STK32B: variants seen among roughly 807,000 people sequenced by gnomAD.
STK32B encodes serine/threonine-protein kinase 32B.
Under a neutral mutation model 52.6 loss-of-function variants are expected in STK32B, and 43 were observed. The observed-to-expected ratio is 0.82, with a 90% confidence interval of 0.64 to 1.05. The LOEUF (loss-of-function observed/expected upper bound fraction) is 1.05, where lower values mean the gene tolerates loss of function less well. STK32B is among the 50% of genes least tolerant of loss of function. The pLI is 0.00. For synonymous variants in STK32B, 238 were observed against 204.3 expected (o/e 1.17, Z -1.41); for missense variants, 621 against 534.6 (o/e 1.16, Z -1.59).
At chr4:5,089,400 T>C (rs983315422) in intron 1 of STK32B, among the ~76,000 whole-genome samples, 2 of 152,120 alleles carry the variant, frequency 1.3e-5, no homozygotes, top group Non-Finnish European at 2.9e-5. Flanking sequence ...TATATTCTCA[T>C]TGTTCAACTC....
At chr4:5,203,672 T>C (rs1722332116) in intron 3 of STK32B, among the ~76,000 whole-genome samples, 1 of 152,252 alleles carries the variant, frequency 6.6e-6, no homozygotes, top group Non-Finnish European at 1.5e-5. Context: ...TCAATCATTA[T>C]TCACTGCAAC....
At chr4:5,256,333 A>G (rs1232043055) in intron 3 of STK32B, among the ~76,000 whole-genome samples, 3 of 152,208 alleles carry the variant, frequency 2.0e-5, no homozygotes, top group Admixed American at 6.5e-5. Flanking sequence ...AAAAACTATC[A>G]AAAGAGTGTT....
intron 3 of STK32B, among the ~76,000 whole-genome samples, chr4:5,259,791 C>T (rs1299597124): frequency 2.0e-5 from 3 of 152,034 alleles, no homozygotes; most frequent in Non-Finnish European, 2.9e-5. Flanking sequence ...GACAGACGCA[C>T]CAGACTATTT....
chr4:5,206,221 A>G (rs111528868), intron 3 of STK32B, among the ~76,000 whole-genome samples: 81 of 152,336 alleles, frequency 5.3e-4, no homozygotes, highest in African/African-American at 1.7e-3. Flanking sequence ...GAAGCTAATG[A>G]AAGTGATGAC....
intron 11 of STK32B, among the ~76,000 whole-genome samples, chr4:5,498,307 A>G (rs920208491): frequency 7.9e-5 from 12 of 152,240 alleles, no homozygotes; most frequent in Admixed American, 4.6e-4. Context: ...AAAGGTGACC[A>G]AGTGGCCCAC....
intron 1 of STK32B, among the ~76,000 whole-genome samples, chr4:5,073,214 T>A (rs1194710406): frequency 6.6e-6 from 1 of 152,046 alleles, no homozygotes; most frequent in Non-Finnish European, 1.5e-5. Flanking sequence ...TCTATTTGTT[T>A]TCTGTGTTCT....
chr4:5,292,160 C>T (rs10034763), intron 3 of STK32B, among the ~76,000 whole-genome samples: 6 of 151,868 alleles, frequency 4.0e-5, no homozygotes, highest in African/African-American at 1.5e-4. Context: ...GTATATACCC[C>T]GTAATGAGAT....
At chr4:5,130,358 G>A (rs1172869987) in intron 1 of STK32B, among the ~76,000 whole-genome samples, 1 of 151,924 alleles carries the variant, frequency 6.6e-6, no homozygotes, top group Non-Finnish European at 1.5e-5. Flanking sequence ...GGGGAGGTTT[G>A]GCGGGAGGGG....
intron 1 of STK32B, among the ~76,000 whole-genome samples, chr4:5,128,484 T>A (rs963349518): frequency 6.6e-6 from 1 of 152,238 alleles, no homozygotes; most frequent in Non-Finnish European, 1.5e-5. Flanking sequence ...ATTAGGCATA[T>A]GATTTCCTGA....
chr4:5,190,174 T>A (rs2108763225), intron 3 of STK32B, among the ~76,000 whole-genome samples: 1 of 152,210 alleles, frequency 6.6e-6, no homozygotes, highest in Admixed American at 6.5e-5. Context: ...AAACTGGGAT[T>A]TTGACCTCCA....
chr4:5,263,516 G>C (rs1158626055), intron 3 of STK32B, among the ~76,000 whole-genome samples: 1 of 152,174 alleles, frequency 6.6e-6, no homozygotes, highest in Non-Finnish European at 1.5e-5. Flanking sequence ...CCAAAATACA[G>C]CTGCCACAGA....
chr4:5,125,815 G>A (rs1715328750), intron 1 of STK32B, among the ~76,000 whole-genome samples: 1 of 152,200 alleles, frequency 6.6e-6, no homozygotes, highest in South Asian at 2.1e-4. Context: ...TGACTTCACT[G>A]CATTTGTAAC....
At chr4:5,284,097 G>A (rs796344677) in intron 3 of STK32B, among the ~76,000 whole-genome samples, 49 of 152,150 alleles carry the variant, frequency 3.2e-4, no homozygotes, top group African/African-American at 1.1e-3. Flanking sequence ...TGTAAAAGAG[G>A]GAGAGGGAGT....
At chr4:5,197,440 G>A (rs149878645) in intron 3 of STK32B, among the ~76,000 whole-genome samples, 1 of 152,324 alleles carries the variant, frequency 6.6e-6, no homozygotes, top group Non-Finnish European at 1.5e-5. Flanking sequence ...CACCTCTTAC[G>A]ACCACCCAGT....
At chr4:5,088,326 A>T (rs1712852789) in intron 1 of STK32B, among the ~76,000 whole-genome samples, 1 of 152,094 alleles carries the variant, frequency 6.6e-6, no homozygotes, top group Admixed American at 6.5e-5. Flanking sequence ...GAGTAGAAGG[A>T]TGGTTACCAG....
At chr4:5,134,171 G>A (rs1004334761) in intron 1 of STK32B, among the ~76,000 whole-genome samples, 6 of 152,172 alleles carry the variant, frequency 3.9e-5, no homozygotes, top group African/African-American at 1.2e-4. Context: ...GGGCATCGCA[G>A]GCCCAGATTT....
intron 1 of STK32B, among the ~76,000 whole-genome samples, chr4:5,057,518 T>C (rs1253247727): frequency 2.0e-5 from 3 of 152,212 alleles, no homozygotes; most frequent in African/African-American, 2.4e-5. Flanking sequence ...CCTGCTTCTT[T>C]CTAGGTAAGA....
intron 9 of STK32B, among the ~76,000 whole-genome samples, chr4:5,463,163 AG>A (rs572709705): frequency 9.9e-4 from 151 of 152,374 alleles, no homozygotes; most frequent in Non-Finnish European, 1.9e-3. Flanking sequence ...TGGACAGTCC[AG>A]AGAAATATGC....
At chr4:5,030,688 T>C in the STK32B span, among the ~76,000 whole-genome samples, 17 of 152,314 alleles carry the variant, frequency 1.1e-4, no homozygotes, top group East Asian at 3.1e-3. Flanking sequence ...CATTAATTAA[T>C]AGTGGAGCCC....
Sources: gnomAD v4.1 joint callset for allele counts (sites outside exome capture counted in the v4.1 genomes callset) on GRCh38, gnomAD v4.1.1 for gene constraint, MANE v1.5 for transcripts, NCBI Gene and HGNC (gene_info 2026-07-23, HGNC 2026-07-21) for gene names.